The following DAP3 variants were observed in gnomAD, a reference collection of about 807,000 sequenced individuals.
The protein encoded by DAP3 is death associated protein 3.
DAP3 carries 28 observed loss-of-function variants against 51.9 expected under a neutral mutation model. The observed-to-expected ratio is 0.54, with a 90% CI of 0.40 to 0.74. The LOEUF is 0.74. Among genes scored for constraint, DAP3 ranks in the 30% least tolerant of loss-of-function variants. DAP3 has a pLI of 0.00. For missense variants in DAP3, 458 were observed against 483.5 expected, an observed-to-expected ratio of 0.95 and a Z score of 0.49; for synonymous variants, 170 against 170.3, an observed-to-expected ratio of 1.00 and a Z score of 0.01.
At chr1:155,701,343 C>T (rs1655253353) in intron 1 of DAP3, among the ~76,000 whole-genome samples, 1 of 102,282 alleles carries the variant, frequency 9.8e-6, no homozygotes, top group Admixed American at 9.5e-5. Context: ...AAGAAAAATT[C>T]CTCTGCCTTG....
At position 155,738,600 on chromosome 1, in the gene DAP3, T is replaced by C. The variant is rs1660030747; in HGVS notation, c.*358T>C. On this transcript the variant is annotated 3_prime_UTR_variant, in exon 13 of 13. Transcript: ENST00000368336. Reference sequence around the variant, plus strand: ...AAATTGCATTTCTCTGATATTCCTCTTGTTGCAGGTCAGAAGAGATCAATT... The same window carrying C: ...AAATTGCATTTCTCTGATATTCCTCCTGTTGCAGGTCAGAAGAGATCAATT... The C allele has an allele frequency of 5.0e-6, 1 of 201,150 alleles. No individual in the cohort carries two copies. The highest frequency in any genetic ancestry group is 5.5e-5 in the Admixed American group (1 of 18,348). The allele number at this position is 201,150 out of a possible 1,614,324, so 12.5% of individuals were successfully genotyped here.
intron 2 of DAP3, among the ~76,000 whole-genome samples, chr1:155,715,782 C>T (rs772167929): frequency 1.1e-4 from 16 of 152,080 alleles, no homozygotes; most frequent in African/African-American, 2.2e-4. Flanking sequence ...TACCGAAATC[C>T]GCCCCCTTCC....
At chr1:155,729,825 G>A (rs1267080212) in intron 9 of DAP3, among the ~76,000 whole-genome samples, 3 of 152,112 alleles carry the variant, frequency 2.0e-5, no homozygotes, top group Non-Finnish European at 4.4e-5. Context: ...GCTCATGCCT[G>A]TAATCCCAGC....
chr1:155,694,355 G>A (rs1428108548), intron 1 of DAP3, among the ~76,000 whole-genome samples: 1 of 141,582 alleles, frequency 7.1e-6, no homozygotes, highest in Non-Finnish European at 1.5e-5. Flanking sequence ...TTCCAACCAT[G>A]TGACAGGCCT....
chr1:155,728,568 A>G (rs1658853169), intron 7 of DAP3, among the ~76,000 whole-genome samples: 1 of 151,890 alleles, frequency 6.6e-6, no homozygotes, highest in African/African-American at 2.4e-5. Context: ...TCTCAAAAAA[A>G]AGATAAAAGA....
At chr1:155,725,779 G>A (rs190366665) in intron 5 of DAP3, 148 bp from the exon 6 acceptor site, 327 of 686,096 alleles carry the variant, frequency 4.8e-4, no homozygotes, top group Non-Finnish European at 7.2e-4. Context: ...CAGGAGAATC[G>A]CTTGAACCCG....
At chr1:155,689,958 G>C (rs765696243) in intron 1 of DAP3, among the ~76,000 whole-genome samples, 22 of 143,148 alleles carry the variant, frequency 1.5e-4, no homozygotes, top group Non-Finnish European at 3.2e-4. Flanking sequence ...AGTGGAATTA[G>C]CTCCTAGGCA....
intron 1 of DAP3, among the ~76,000 whole-genome samples, chr1:155,697,534 G>T (rs113330578): frequency 6.6e-6 from 1 of 152,078 alleles, no homozygotes; most frequent in Non-Finnish European, 1.5e-5. Context: ...CCCCTGAGCC[G>T]CAAAACCAGC....
At chr1:155,732,607 CAA>C (rs1321558268) in intron 11 of DAP3, among the ~76,000 whole-genome samples, 3 of 152,198 alleles carry the variant, frequency 2.0e-5, no homozygotes, top group African/African-American at 2.4e-5. Flanking sequence ...GCATAATTAT[CAA>C]AGTCAGAAAA....
intron 3 of DAP3, 65 bp from the exon 4 acceptor site, chr1:155,721,447 TAGATA>T: frequency 7.7e-7 from 1 of 1,304,094 alleles, no homozygotes; most frequent in East Asian, 2.3e-5. Context: ...TACACACACA[TAGATA>T]AGACAAAAAA....
At chr1:155,715,700 C>T (rs1047178058) in intron 2 of DAP3, among the ~76,000 whole-genome samples, 2 of 152,198 alleles carry the variant, frequency 1.3e-5, no homozygotes, top group Non-Finnish European at 2.9e-5. Context: ...CATCTTTTCA[C>T]TTTCTACATA....
intron 2 of DAP3, among the ~76,000 whole-genome samples, chr1:155,714,931 G>A (rs1405067083): frequency 6.6e-6 from 1 of 150,960 alleles, no homozygotes; most frequent in East Asian, 2.0e-4. Context: ...GGCTGGGCAC[G>A]GTGGCTCACG....
chr1:155,703,408 A>G (rs1488383086), intron 1 of DAP3, among the ~76,000 whole-genome samples: 2 of 152,214 alleles, frequency 1.3e-5, no homozygotes, highest in East Asian at 3.8e-4. Flanking sequence ...TCACTGTCAC[A>G]TGAACGGTAT....
intron 1 of DAP3, among the ~76,000 whole-genome samples, chr1:155,696,274 G>C (rs968541132): frequency 6.6e-6 from 1 of 151,888 alleles, no homozygotes; most frequent in Admixed American, 6.6e-5. Flanking sequence ...TACTAACCTG[G>C]GCTTGCTGAA....
At chr1:155,716,848 G>A (rs1042652765) in intron 2 of DAP3, among the ~76,000 whole-genome samples, 158 bp from the exon 3 acceptor site, 5 of 151,768 alleles carry the variant, frequency 3.3e-5, no homozygotes, top group African/African-American at 9.7e-5. Flanking sequence ...TCAGGAAGCT[G>A]AGGCAGGAGA....
intron 1 of DAP3, among the ~76,000 whole-genome samples, chr1:155,692,361 C>T (rs1266208685): frequency 7.1e-6 from 1 of 141,610 alleles, no homozygotes; most frequent in Non-Finnish European, 1.5e-5. Context: ...CCCTGTAAGC[C>T]TTTTTCCCAA....
intron 12 of DAP3, among the ~76,000 whole-genome samples, 198 bp downstream of exon 12, chr1:155,737,261 A>G (rs1483139749): frequency 2.0e-5 from 3 of 152,198 alleles, no homozygotes; most frequent in African/African-American, 7.2e-5. Context: ...AAGAGATTTT[A>G]TCCCTAAATT....
rs150553683 is a variant in DAP3, at chr1:155,727,724, C to T, written c.589C>T (p.Arg197Cys). 346 of 1,612,984 alleles carry T rather than the reference C, an allele frequency of 2.1e-4. No individual in the cohort carries two copies. The highest frequency in any genetic ancestry group is 2.0e-4 in the Non-Finnish European group (236 of 1,179,496). The change falls in exon 7 of 13, where the codon CGC becomes TGC. Residue 197 changes from arginine (R) to cysteine (C), a missense_variant. Coordinates refer to ENST00000368336, the MANE Select transcript of DAP3 (RefSeq NM_004632.4). ...WLKNFKTTNE[R>C]FLNQIKVQEK... ...GAAGAATTTCAAAACTACAAATGAG[C>T]GCTTCCTGAACCAGGTGACTAGACT...
chr1:155,688,204 G>A, upstream of DAP3: 1 of 1,613,922 alleles, frequency 6.2e-7, no homozygotes, highest in Non-Finnish European at 8.5e-7. Flanking sequence ...TAAGCCGACT[G>A]GCGGAAATGC....
Sources: allele counts gnomAD v4.1 joint callset (sites outside exome capture counted in the v4.1 genomes callset), GRCh38; gene constraint gnomAD v4.1.1; transcripts MANE v1.5; gene names NCBI Gene and HGNC (gene_info 2026-07-23, HGNC 2026-07-21).